Variants in YAP1 observed in about 807,000 individuals in gnomAD.
The protein encoded by YAP1 is transcriptional coactivator YAP1.
YAP1 carries 5 observed loss-of-function variants against 56.9 expected under a neutral mutation model. The ratio of observed to expected loss-of-function variants is 0.09; its 90% CI spans 0.05 to 0.18. The LOEUF (loss-of-function observed/expected upper bound fraction) is 0.18. Among genes scored for constraint, YAP1 ranks in the 10% least tolerant of loss-of-function variants. The pLI is 1.00. For synonymous variants in YAP1, 265 were observed against 248.1 expected (o/e 1.07, Z -0.64); for missense variants, 539 against 651.8 (o/e 0.83, Z 1.88).
At chr11:102,142,839 A>G (rs1945097543) in intron 2 of YAP1, among the ~76,000 whole-genome samples, 2 of 152,136 alleles carry the variant, frequency 1.3e-5, no homozygotes, top group South Asian at 2.1e-4. Context: ...ATATTTTCAA[A>G]CTTTTTTAGT....
chr11:102,121,213 A>T (rs1943627242), intron 2 of YAP1, among the ~76,000 whole-genome samples: 3 of 152,166 alleles, frequency 2.0e-5, no homozygotes, highest in Admixed American at 2.0e-4. Context: ...TGAGGTGGGC[A>T]TATCCTTTGA....
At chr11:102,116,851 G>C (rs1943316402) in intron 2 of YAP1, among the ~76,000 whole-genome samples, 1 of 152,112 alleles carries the variant, frequency 6.6e-6, no homozygotes, top group African/African-American at 2.4e-5. Flanking sequence ...GGTAAATCTT[G>C]CTCAATAAAT....
intron 2 of YAP1, among the ~76,000 whole-genome samples, chr11:102,115,125 G>A (rs1943199334): frequency 1.3e-5 from 2 of 152,118 alleles, no homozygotes; most frequent in African/African-American, 4.8e-5. Flanking sequence ...ATTACACTAG[G>A]CTGAAAAGAC....
At chr11:102,158,137 G>T (rs1391575179) in intron 2 of YAP1, among the ~76,000 whole-genome samples, 1 of 152,142 alleles carries the variant, frequency 6.6e-6, no homozygotes, top group African/African-American at 2.4e-5. Context: ...TGAAAAATCG[G>T]TTTTACAAGT....
At position 102,123,843 on chromosome 11, in the gene YAP1, G is replaced by T. The variant is rs1208091870; in HGVS notation, c.572+9449G>T. ...TTTAGTAGAGACGGAGTTTCACCGT[G>T]GTCTCGATCTCCTGACCTCGTGATC... is the stretch of plus-strand genomic sequence containing the variant. On this transcript the variant is annotated intron_variant, in intron 2 of 8. Transcript: ENST00000282441. Among the ~76,000 whole-genome samples the T allele has an allele frequency of 2.0e-5, 3 of 151,618 alleles. No individual in the cohort carries two copies. In the South Asian group the frequency reaches 6.2e-4, roughly 32 times the overall value.
chr11:102,223,111 G>A (rs1038780976), intron 6 of YAP1, among the ~76,000 whole-genome samples: 8 of 151,886 alleles, frequency 5.3e-5, no homozygotes, highest in Non-Finnish European at 1.2e-4. Flanking sequence ...AGCTGGGCGT[G>A]GTGGTGCGTG....
At chr11:102,133,405 C>G (rs1275106188) in intron 2 of YAP1, among the ~76,000 whole-genome samples, 1 of 152,084 alleles carries the variant, frequency 6.6e-6, no homozygotes, top group South Asian at 2.1e-4. Flanking sequence ...AAGCAATTCT[C>G]CTGCCTCAGC....
Position 102,205,952 on chromosome 11 carries a change from C to G in YAP1, c.862C>G (p.Gln288Glu), listed in dbSNP as rs1265956918. The G allele has an allele frequency of 2.5e-6, 4 of 1,612,754 alleles. No individual in the cohort carries two copies. In the African/African-American group the frequency reaches 5.3e-5, roughly 22 times the overall value. ...PVKQPPPLAP[Q>E]SPQGGVMGGS... ...GAAACAGCCACCACCCCTGGCTCCC[C>G]AGAGCCCACAGGGAGGCGTCATGGG... Residue 288 changes from glutamine to glutamate, a missense_variant, in exon 5 of 9, where the codon CAG (glutamine) becomes GAG (glutamate). Around this residue, in one of 4 missense-constraint regions of YAP1, gnomAD observed 414 missense variants for 512.4 expected, o/e 0.81. Transcript: ENST00000282441.
chr11:102,154,794 C>G (rs148552690), intron 2 of YAP1, among the ~76,000 whole-genome samples: 2 of 152,150 alleles, frequency 1.3e-5, no homozygotes, highest in East Asian at 3.9e-4. Context: ...AATTTAACAC[C>G]CAATGTGTTA....
intron 4 of YAP1, among the ~76,000 whole-genome samples, chr11:102,187,482 G>A (rs1328132819): frequency 6.6e-6 from 1 of 152,156 alleles, no homozygotes; most frequent in Non-Finnish European, 1.5e-5. Context: ...TTTAATAAAT[G>A]CGGCCAATTG....
intron 2 of YAP1, among the ~76,000 whole-genome samples, chr11:102,117,287 G>C (rs1212349461): frequency 2.6e-5 from 4 of 152,158 alleles, no homozygotes; most frequent in Non-Finnish European, 1.5e-5. Context: ...GTTGTCATCA[G>C]ATGTAGAATG....
chr11:102,166,538 C>A (rs1190163454), intron 3 of YAP1, among the ~76,000 whole-genome samples: 1 of 152,096 alleles, frequency 6.6e-6, no homozygotes, highest in African/African-American at 2.4e-5. Flanking sequence ...ACTGTGAGAG[C>A]ATGTAAGTAA....
At position 102,163,129 on chromosome 11, in the gene YAP1, C is replaced by T. The variant is rs117336794; in HGVS notation, c.688+558C>T. On this transcript the variant is annotated intron_variant, in intron 3 of 8. Transcript: ENST00000282441. ...CCCAGGGCAAGCATGGATTATTAAA[C>T]GCATCTTCACCTTTTTTACTAGAAG... is the stretch of plus-strand genomic sequence containing the variant. 5.9e-3 allele frequency among the ~76,000 whole-genome samples: 902 copies of T among 152,130 alleles called. 5 individuals carry two copies. The highest frequency in any genetic ancestry group is 0.01 in the Non-Finnish European group (696 of 67,988).
At chr11:102,207,892 T>C (rs956310063) in intron 5 of YAP1, among the ~76,000 whole-genome samples, 1 of 152,202 alleles carries the variant, frequency 6.6e-6, no homozygotes, top group Non-Finnish European at 1.5e-5. Flanking sequence ...CTCCAAAATA[T>C]GGTTCTTTGA....
chr11:102,227,334 T>C (rs888535570), intron 7 of YAP1, 135 bp from the exon 8 acceptor site: 2 of 651,228 alleles, frequency 3.1e-6, no homozygotes, highest in African/African-American at 3.6e-5. Context: ...AGGGTGCTTG[T>C]TTCAGACATT....
chr11:102,168,224 T>C (rs1051183846), intron 3 of YAP1, among the ~76,000 whole-genome samples: 1 of 152,142 alleles, frequency 6.6e-6, no homozygotes, highest in African/African-American at 2.4e-5. Context: ...TCTATGTGTA[T>C]GATATATATT....
intron 6 of YAP1, among the ~76,000 whole-genome samples, chr11:102,222,083 T>C (rs578241062): frequency 6.6e-6 from 1 of 152,138 alleles, no homozygotes; most frequent in Non-Finnish European, 1.5e-5. Flanking sequence ...GGTATTTGCA[T>C]GCAGGAGAAT....
chr11:102,192,720 G>A (rs73582098), intron 4 of YAP1, among the ~76,000 whole-genome samples: 6,155 of 152,248 alleles, frequency 0.04, 385 homozygotes, highest in African/African-American at 0.13. Context: ...CTTGCTTAAG[G>A]TTACTTCTCA....
At chr11:102,195,599 G>A (rs1948532609) in intron 4 of YAP1, among the ~76,000 whole-genome samples, 1 of 152,122 alleles carries the variant, frequency 6.6e-6, no homozygotes, top group Non-Finnish European at 1.5e-5. Context: ...TTCTCAGATA[G>A]TGAGTGCTCG....
Sources: allele counts gnomAD v4.1 joint callset (sites outside exome capture counted in the v4.1 genomes callset), GRCh38; gene constraint gnomAD v4.1.1; regional missense constraint gnomAD v4.1.1; transcripts MANE v1.5; gene names NCBI Gene and HGNC (gene_info 2026-07-23, HGNC 2026-07-21).